The following CSMD1 variants were observed in gnomAD, a reference collection of about 807,000 sequenced individuals.
CSMD1 encodes the protein CUB and sushi domain-containing protein 1.
Under a neutral mutation model 417.5 loss-of-function variants are expected in CSMD1, and 213 were observed. The observed-to-expected ratio is 0.51, with a 90% CI of 0.46 to 0.57. The LOEUF is 0.57. Ranked by LOEUF, CSMD1 falls within the 20% of genes least tolerant of loss-of-function variation. The probability of loss-of-function intolerance (pLI) is 0.00; values close to 1 mark genes in which losing one functional copy is unlikely to be tolerated. For synonymous variants in CSMD1, 2,862 were observed against 1,736.8 expected, an observed-to-expected ratio of 1.65 and a Z score of -16.11; for missense variants, 6,923 against 4,529.7, an observed-to-expected ratio of 1.53 and a Z score of -15.17.
At chr8:3,766,304 C>A (rs980078222) in intron 5 of CSMD1, among the ~76,000 whole-genome samples, 1 of 152,130 alleles carries the variant, frequency 6.6e-6, no homozygotes, top group Admixed American at 6.5e-5. Flanking sequence ...CCACGGGTGA[C>A]GCAGATCACA....
chr8:3,391,821 G>A (rs1387216611), intron 17 of CSMD1, among the ~76,000 whole-genome samples: 1 of 152,122 alleles, frequency 6.6e-6, no homozygotes. Flanking sequence ...GGGCCTCTAT[G>A]GGCATGAAGA....
intron 3 of CSMD1, among the ~76,000 whole-genome samples, chr8:4,386,591 C>A (rs1803471202): frequency 6.6e-6 from 1 of 152,212 alleles, no homozygotes; most frequent in Non-Finnish European, 1.5e-5. Flanking sequence ...CCTGTTACGG[C>A]AGGGCATGCA....
At chr8:3,561,719 A>G (rs1367940604) in intron 10 of CSMD1, among the ~76,000 whole-genome samples, 1 of 152,188 alleles carries the variant, frequency 6.6e-6, no homozygotes, top group African/African-American at 2.4e-5. Flanking sequence ...CGACCCCACC[A>G]CGATGTAGTG....
chr8:4,475,232 G>A (rs1201895583), intron 2 of CSMD1, among the ~76,000 whole-genome samples: 1 of 152,070 alleles, frequency 6.6e-6, no homozygotes, highest in African/African-American at 2.4e-5. Context: ...ATTCAATACT[G>A]TTTATCTATT....
intron 3 of CSMD1, among the ~76,000 whole-genome samples, chr8:4,236,026 GTTTTTTTTGTTTGTTTTTTTTTTTTTTT>G (rs1296912561): frequency 9.3e-6 from 1 of 108,086 alleles, no homozygotes; most frequent in African/African-American, 4.2e-5. Flanking sequence ...AATGGATATT[GTTTTTTTTGTTTGTTTTTTTTTTTTTTT>G]TTTTTTTTTT....
intron 1 of CSMD1, among the ~76,000 whole-genome samples, chr8:4,837,611 G>GA (rs1211627366): frequency 1.3e-5 from 2 of 152,126 alleles, no homozygotes; most frequent in African/African-American, 4.8e-5. Flanking sequence ...CAGAGGCTGG[G>GA]AAGGACAGTA....
intron 3 of CSMD1, among the ~76,000 whole-genome samples, chr8:4,250,585 T>C (rs940529778): frequency 5.9e-5 from 9 of 152,144 alleles, no homozygotes; most frequent in African/African-American, 1.9e-4. Flanking sequence ...AATAAACTCA[T>C]GTACGATTAT....
intron 3 of CSMD1, among the ~76,000 whole-genome samples, chr8:4,084,583 C>A (rs755822782): frequency 5.3e-5 from 8 of 152,086 alleles, no homozygotes; most frequent in African/African-American, 1.9e-4. Context: ...CCTTAATCAA[C>A]CTTGTTGGGA....
intron 3 of CSMD1, among the ~76,000 whole-genome samples, chr8:4,053,417 C>T (rs1042463896): frequency 6.6e-6 from 1 of 151,686 alleles, no homozygotes; most frequent in Non-Finnish European, 1.5e-5. Flanking sequence ...GAATAGCTCC[C>T]ACCACCTGCT....
At chr8:4,760,059 C>A (rs988098690) in intron 1 of CSMD1, among the ~76,000 whole-genome samples, 1 of 152,166 alleles carries the variant, frequency 6.6e-6, no homozygotes, top group South Asian at 2.1e-4. Context: ...TTCTCTGCAA[C>A]CTCTCCAGCA....
At chr8:3,439,312 T>A (rs866851507) in intron 12 of CSMD1, among the ~76,000 whole-genome samples, 126 of 127,468 alleles carry the variant, frequency 9.9e-4, no homozygotes, top group African/African-American at 1.5e-3. Flanking sequence ...TATATATATT[T>A]TTTTTTTTAA....
At position 3,679,941 on chromosome 8, in the gene CSMD1, T is replaced by C. The variant is rs182577192; in HGVS notation, c.1009+28473A>G. Among the ~76,000 whole-genome samples, 91 of 151,886 alleles carry C rather than the reference T, an allele frequency of 6.0e-4. 1 individual carries two copies. Among genetic ancestry groups the C allele is most frequent in the African/African-American group, 2.1e-3 (88 of 41,390 alleles). The stretch of plus-strand genomic sequence containing the variant: ...AACTTGCTCCTGAATGACTACTGGG[T>C]ACATAACGAAATGAAGGCAGAAATA... On this transcript the variant is annotated intron_variant, in intron 7 of 69. Coordinates refer to ENST00000635120, the MANE Select transcript of CSMD1 (RefSeq NM_033225.6).
rs1270733087 is a variant in CSMD1, at chr8:3,752,167, G to C, written c.931+1763C>G. 2.0e-5 allele frequency among the ~76,000 whole-genome samples: 3 copies of C among 152,124 alleles called. No homozygotes were observed. In the East Asian group the frequency reaches 5.8e-4, roughly 29 times the overall value. ...CAGCCACAGTATATGGCAGTCACAA[G>C]ATAACGGCAGATATGGGGAGGTATG... On this transcript the variant is annotated intron_variant, in intron 6 of 69. Transcript: ENST00000635120.
intron 3 of CSMD1, among the ~76,000 whole-genome samples, chr8:4,173,238 G>C (rs1249927964): frequency 1.3e-5 from 2 of 152,154 alleles, no homozygotes; most frequent in African/African-American, 2.4e-5. Context: ...ATGCAAGCTT[G>C]TCTCACGCAA....
At chr8:4,693,686 G>T (rs531680998) in intron 1 of CSMD1, among the ~76,000 whole-genome samples, 1 of 152,160 alleles carries the variant, frequency 6.6e-6, no homozygotes, top group South Asian at 2.1e-4. Context: ...TTCTTTCAGA[G>T]ATGAGGTCTC....
chr8:3,860,844 A>C (rs893214307), intron 5 of CSMD1, among the ~76,000 whole-genome samples: 7 of 152,224 alleles, frequency 4.6e-5, no homozygotes, highest in Non-Finnish European at 1.0e-4. Context: ...TCTAAGAAAA[A>C]TATACAATCA....
chr8:3,266,753 C>T lies in CSMD1; in HGVS notation c.4153+17391G>A, dbSNP rs117563372. ...TTATACCACTGCACTCCAGCCTGGG[C>T]GAAAGAGTGAGACACTGTCTTAAAA... On this transcript the variant is annotated intron_variant, in intron 26 of 69. Transcript: ENST00000635120. Among the ~76,000 whole-genome samples the T allele has an allele frequency of 5.7e-3, 821 of 144,582 alleles. 6 individuals carry two copies. The highest frequency in any genetic ancestry group is 0.02 in the African/African-American group (758 of 38,786). The allele number at this position is 144,582 out of a possible 152,430, so 94.9% of individuals were successfully genotyped here.
At chr8:3,465,537 C>T (rs966584297) in intron 12 of CSMD1, among the ~76,000 whole-genome samples, 1 of 152,088 alleles carries the variant, frequency 6.6e-6, no homozygotes, top group South Asian at 2.1e-4. Context: ...AAGCATCCTC[C>T]AGGGAGATTT....
At chr8:4,802,513 CAG>C (rs1474661130) in intron 1 of CSMD1, among the ~76,000 whole-genome samples, 1 of 152,000 alleles carries the variant, frequency 6.6e-6, no homozygotes, top group African/African-American at 2.4e-5. Flanking sequence ...TAAGAAAAGA[CAG>C]AGTGTGAATT....
Sources: allele counts gnomAD v4.1 joint callset (sites outside exome capture counted in the v4.1 genomes callset), GRCh38; gene constraint gnomAD v4.1.1; transcripts MANE v1.5; gene names NCBI Gene and HGNC (gene_info 2026-07-23, HGNC 2026-07-21).